The following NAXD variants were observed in gnomAD, a reference collection of about 807,000 sequenced individuals.
NAXD encodes NAD(P)HX dehydratase.
NAXD carries 22 observed loss-of-function variants against 35.8 expected under a neutral mutation model. The ratio of observed to expected loss-of-function variants is 0.62; its 90% CI spans 0.44 to 0.88. NAXD has a LOEUF of 0.88. Among genes scored for constraint, NAXD ranks in the 40% least tolerant of loss-of-function variants. The pLI, the probability that NAXD is intolerant of heterozygous loss-of-function variation, is 0.00. For missense variants in NAXD, 428 were observed against 437.7 expected, an observed-to-expected ratio of 0.98 and a Z score of 0.20; for synonymous variants, 189 against 177.6, an observed-to-expected ratio of 1.06 and a Z score of -0.51.
intron 4 of NAXD, among the ~76,000 whole-genome samples, 176 bp downstream of exon 4, chr13:110,625,454 C>T (rs1199310567): frequency 6.6e-6 from 1 of 152,214 alleles, no homozygotes; most frequent in South Asian, 2.1e-4. Flanking sequence ...CAGAATAAGA[C>T]AGAGACGGCG....
chr13:110,629,851 G>T (rs566449583), intron 5 of NAXD, among the ~76,000 whole-genome samples: 1 of 152,218 alleles, frequency 6.6e-6, no homozygotes, highest in East Asian at 1.9e-4. Context: ...AGCAGTGTGC[G>T]AGGGCTCTGA....
rs1170327779 is a variant in NAXD at position 110,623,803 on chromosome 13, G to T, written c.198-431G>T. Among the ~76,000 whole-genome samples the T allele has an allele frequency of 1.4e-4, 21 of 152,206 alleles. 1 individual carries two copies. Among genetic ancestry groups the T allele is most frequent in the Admixed American group, 1.4e-3 (21 of 15,284 alleles). On this transcript the variant is annotated intron_variant, in intron 2 of 9. Transcript: ENST00000680254. ...GGATCACCTGAGGTTGGGAGTTTGAGACCAGCCTGACCAACATGCAGAAAC... is the reference window on the plus strand; with the variant it reads ...GGATCACCTGAGGTTGGGAGTTTGATACCAGCCTGACCAACATGCAGAAAC...
At chr13:110,633,041 C>T (rs1260555174) in intron 5 of NAXD, among the ~76,000 whole-genome samples, 1 of 152,206 alleles carries the variant, frequency 6.6e-6, no homozygotes. Flanking sequence ...ATTCCTCAGC[C>T]CTTGGGTGGT....
At chr13:110,617,939 A>G (rs1211891771) in intron 1 of NAXD, among the ~76,000 whole-genome samples, 1 of 152,182 alleles carries the variant, frequency 6.6e-6, no homozygotes, top group Non-Finnish European at 1.5e-5. Flanking sequence ...TGAGTCCCAC[A>G]TGGAAGCAGT....
intron 1 of NAXD, among the ~76,000 whole-genome samples, 192 bp from the exon 2 acceptor site, chr13:110,622,024 C>T (rs375677024): frequency 5.3e-5 from 8 of 149,636 alleles, no homozygotes; most frequent in African/African-American, 4.9e-5. Context: ...AGTCAGAGTT[C>T]GTCTCAAAAA....
Position 110,617,727 on chromosome 13 carries a change from C to G in NAXD, c.46+2080C>G, listed in dbSNP as rs138681254. Among the ~76,000 whole-genome samples, 134 of 152,330 alleles carry G rather than the reference C, an allele frequency of 8.8e-4. No individual in the cohort carries two copies. The East Asian group carries it at 0.018, about 20-fold the overall frequency. ...CACAAAAATAAAAACAAAAACATGG[C>G]AGCACTTTGGTAAAATAGTGTCTTG... On this transcript the variant is annotated intron_variant, in intron 1 of 9. Coordinates refer to ENST00000680254, the MANE Select transcript of NAXD (RefSeq NM_001242882.2).
chr13:110,638,313 G>T lies in NAXD; in HGVS notation c.840-65G>T. ...ACAGGAGTCAAAACCAGAGCCCAGG[G>T]TAGCTGCGGCCCCCGGACCACGACG... On this transcript the variant is annotated intron_variant, in intron 9 of 9. Transcript: ENST00000680254. This position sits in a 1 kb window ranked among gnomAD's most constrained non-coding sequence, Gnocchi z 5.4. The T allele has an allele frequency of 6.2e-7, 1 of 1,612,204 alleles. No individual in the cohort carries two copies. Among genetic ancestry groups the T allele is most frequent in the Non-Finnish European group, 8.5e-7 (1 of 1,179,162 alleles).
intron 5 of NAXD, among the ~76,000 whole-genome samples, chr13:110,632,442 C>CT (rs1886739269): frequency 1.3e-5 from 2 of 152,284 alleles, no homozygotes; most frequent in South Asian, 2.1e-4. Context: ...GGGCAGCCTG[C>CT]TTTTATTCTC....
In NAXD at chr13:110,628,837, G is replaced by A. The variant is rs1333257692; in HGVS notation, c.441+1290G>A. On this transcript the variant is annotated intron_variant, in intron 5 of 9. Transcript: ENST00000680254. This position sits in a 1 kb window ranked among gnomAD's most constrained non-coding sequence, Gnocchi z 4.1. Reference sequence around the variant, plus strand: ...GTCCAGCTCTGCATCCTGGGGGTGCGGATGAATTAGAGGTGAACGAGCCAG... The same window carrying A: ...GTCCAGCTCTGCATCCTGGGGGTGCAGATGAATTAGAGGTGAACGAGCCAG... Among the ~76,000 whole-genome samples the A allele has an allele frequency of 1.3e-5, 2 of 152,162 alleles. No individual in the cohort carries two copies. The highest frequency in any genetic ancestry group is 2.4e-5 in the African/African-American group (1 of 41,416).
rs143608828 is a variant in NAXD at position 110,630,091 on chromosome 13, G to T, written c.441+2544G>T. Among the ~76,000 whole-genome samples, 902 of 152,102 alleles carry T rather than the reference G, an allele frequency of 5.9e-3. 16 individuals are homozygous for T. Among genetic ancestry groups the T allele is most frequent in the African/African-American group, 0.021 (864 of 41,488 alleles). ...GTCACCCAGGCTGGAGTATAATGGCGTGATCTTGGCTCACTGCAATCTCCA... is the reference window on the plus strand; with the variant it reads ...GTCACCCAGGCTGGAGTATAATGGCTTGATCTTGGCTCACTGCAATCTCCA... On this transcript the variant is annotated intron_variant, in intron 5 of 9. Coordinates refer to ENST00000680254, the MANE Select transcript of NAXD (RefSeq NM_001242882.2).
intron 7 of NAXD, 104 bp downstream of exon 7, chr13:110,634,880 C>CAA: frequency 1.2e-6 from 1 of 817,044 alleles, no homozygotes; most frequent in Non-Finnish European, 2.0e-6. Context: ...TGTGGACACA[C>CAA]CTGCAAGTAA....
At position 110,622,441 on chromosome 13, in the gene NAXD, G is replaced by A. The variant is rs964132923; in HGVS notation, c.197+75G>A. 26 of 1,484,100 alleles carry A rather than the reference G, an allele frequency of 1.8e-5. 1 individual carries two copies. The highest frequency in any genetic ancestry group is 1.5e-4 in the South Asian group (13 of 85,658). The allele number at this position is 1,484,100 out of a possible 1,614,324, so 91.9% of individuals were successfully genotyped here. ...GGCTGCTTACCTGACTGTCATTCACGCTGTCTAGTTTGACCTCAGTAATCA... is the reference window on the plus strand; with the variant it reads ...GGCTGCTTACCTGACTGTCATTCACACTGTCTAGTTTGACCTCAGTAATCA... On this transcript the variant is annotated intron_variant, in intron 2 of 9. Transcript: ENST00000680254.
At chr13:110,636,635 A>G (rs994851893) in intron 8 of NAXD, among the ~76,000 whole-genome samples, 2 of 152,234 alleles carry the variant, frequency 1.3e-5, no homozygotes, top group Non-Finnish European at 2.9e-5. Context: ...ACATTTTTCA[A>G]AGAAATAGAG....
chr13:110,615,721 T>G, intron 1 of NAXD, 74 bp downstream of exon 1: 1 of 1,512,876 alleles, frequency 6.6e-7, no homozygotes, highest in Non-Finnish European at 8.8e-7. Flanking sequence ...GGCGCGGTCG[T>G]TGTCGCATTG....
chr13:110,635,621 G>T (rs1464555167), intron 8 of NAXD, 33 bp downstream of exon 8: 2 of 1,609,242 alleles, frequency 1.2e-6, no homozygotes, highest in Non-Finnish European at 1.7e-6. Context: ...GCATGGGCCA[G>T]TGCCAGGTCA....
rs560391300 is a variant in NAXD, at chr13:110,620,018, C to T, written c.47-2198C>T. Among the ~76,000 whole-genome samples the T allele has an allele frequency of 3.3e-5, 5 of 151,986 alleles. No homozygotes were observed. The East Asian group carries it at 7.9e-4, about 24-fold the overall frequency. ...TTCACTATGTTGGCCAGGCTGGTCT[C>T]GAACTCCTGACCTCAAGTGATCCAC... On this transcript the variant is annotated intron_variant, in intron 1 of 9. Coordinates refer to ENST00000680254, the MANE Select transcript of NAXD (RefSeq NM_001242882.2).
At chr13:110,620,578 CAAAAAA>C (rs34370844) in intron 1 of NAXD, among the ~76,000 whole-genome samples, 4 of 84,910 alleles carry the variant, frequency 4.7e-5, no homozygotes, top group African/African-American at 7.6e-5. Flanking sequence ...GACTCTGTCT[CAAAAAA>C]AAAAAAAAAA....
intron 1 of NAXD, among the ~76,000 whole-genome samples, chr13:110,619,830 G>T (rs917827235): frequency 2.0e-5 from 3 of 151,990 alleles, no homozygotes; most frequent in Non-Finnish European, 2.9e-5. Context: ...CAAGAGTCTC[G>T]CTGTGTCACC....
chr13:110,637,258 A>C lies in NAXD; in HGVS notation c.839+9A>C, dbSNP rs368407833. On this transcript the variant is annotated intron_variant, in intron 9 of 9. Coordinates refer to ENST00000680254, the MANE Select transcript of NAXD (RefSeq NM_001242882.2). ...CCACAGAAAACAAATGGGTAAGGCC[A>C]CGTCTTCATTTATTCTACTTTGAAA... 6.2e-7 allele frequency: 1 copy of C among 1,613,822 alleles called. No homozygotes were observed. The highest frequency in any genetic ancestry group is 2.2e-5 in the East Asian group (1 of 44,868).
Sources: gnomAD v4.1 joint callset for allele counts (sites outside exome capture counted in the v4.1 genomes callset) on GRCh38, gnomAD v4.1.1 for gene constraint, Gnocchi (gnomAD v3.1) non-coding constraint, MANE v1.5 for transcripts, NCBI Gene and HGNC (gene_info 2026-07-23, HGNC 2026-07-21) for gene names.